Variants in RABGAP1L observed in about 807,000 individuals in gnomAD.
RABGAP1L encodes rab GTPase-activating protein 1-like.
In RABGAP1L, 63 loss-of-function variants were observed where a neutral mutation model predicts 137.7. The observed-to-expected ratio is 0.46, with a 90% CI of 0.37 to 0.56. The LOEUF (loss-of-function observed/expected upper bound fraction) is 0.56, where lower values mean the gene tolerates loss of function less well. RABGAP1L is among the 20% of genes least tolerant of loss of function. The pLI, the probability that RABGAP1L is intolerant of heterozygous loss-of-function variation, is 0.00. For synonymous variants in RABGAP1L, 431 were observed against 433.7 expected, an observed-to-expected ratio of 0.99 and a Z score of 0.08; for missense variants, 1,095 against 1,244.0, an observed-to-expected ratio of 0.88 and a Z score of 1.80.
chr1:174,870,774 G>A (rs999607316), intron 19 of RABGAP1L, among the ~76,000 whole-genome samples: 17 of 142,728 alleles, frequency 1.2e-4, no homozygotes, highest in Admixed American at 1.5e-4. Context: ...GTCTCGCTCT[G>A]TTGCCCAGGC....
chr1:174,464,731 T>C (rs1356136796), intron 13 of RABGAP1L, among the ~76,000 whole-genome samples: 2 of 152,178 alleles, frequency 1.3e-5, no homozygotes, highest in Non-Finnish European at 2.9e-5. Flanking sequence ...CTTCACTGTC[T>C]TTTAAGATTC....
At chr1:174,848,713 CT>C (rs1455507209) in intron 19 of RABGAP1L, among the ~76,000 whole-genome samples, 4 of 146,260 alleles carry the variant, frequency 2.7e-5, no homozygotes, top group Admixed American at 6.7e-5. Flanking sequence ...GAGGTGGAGC[CT>C]ACAGAGGCAG....
chr1:174,912,735 TA>T (rs759227266), intron 19 of RABGAP1L, among the ~76,000 whole-genome samples: 1 of 152,236 alleles, frequency 6.6e-6, no homozygotes, highest in East Asian at 1.9e-4. Context: ...CATATGTTTT[TA>T]AACTTTTTAA....
intron 11 of RABGAP1L, among the ~76,000 whole-genome samples, chr1:174,348,437 ATTT>A (rs1349976740): frequency 6.8e-6 from 1 of 146,598 alleles, no homozygotes; most frequent in African/African-American, 2.7e-5. Flanking sequence ...GTTTCTATTT[ATTT>A]TTTATTTATT....
chr1:174,503,703 G>C (rs1052258057), intron 13 of RABGAP1L, among the ~76,000 whole-genome samples: 2 of 145,202 alleles, frequency 1.4e-5, no homozygotes, highest in African/African-American at 5.0e-5. Flanking sequence ...AAAATCAGTT[G>C]TGTTCTATGC....
intron 13 of RABGAP1L, among the ~76,000 whole-genome samples, chr1:174,618,638 C>A (rs1389477487): frequency 6.6e-6 from 1 of 152,186 alleles, no homozygotes; most frequent in African/African-American, 2.4e-5. Flanking sequence ...AAAACCCCAT[C>A]TATACGTCAC....
At chr1:174,744,484 C>T (rs935914197) in intron 17 of RABGAP1L, among the ~76,000 whole-genome samples, 1 of 152,118 alleles carries the variant, frequency 6.6e-6, no homozygotes, top group Non-Finnish European at 1.5e-5. Flanking sequence ...TAATATATAA[C>T]AAGCTATACG....
Position 174,231,288 on chromosome 1 carries a change from A to G in RABGAP1L, c.475A>G (p.Lys159Glu). Reference protein sequence around the residue: ...VEALRAMATMKSSSQYPFPVT... With the variant: ...VEALRAMATMESSSQYPFPVT... ...GGCTTTACGGGCAATGGCAACCATG[A>G]AATCTTCCAGTCAATACCCCTTTCC... Residue 159 changes from lysine (K) to glutamate (E), a missense_variant, in exon 4 of 26, where the codon AAA becomes GAA. Around this residue, in one of 4 missense-constraint regions of RABGAP1L, gnomAD observed 356 missense variants for 326.3 expected, o/e 1.09. Coordinates refer to ENST00000681986, the MANE Select transcript of RABGAP1L (RefSeq NM_001366446.1). The G allele has an allele frequency of 6.2e-7, 1 of 1,614,166 alleles. No individual in the cohort carries two copies. Among genetic ancestry groups the G allele is most frequent in the Non-Finnish European group, 8.5e-7 (1 of 1,180,022 alleles).
At chr1:174,902,444 G>A (rs1427128817) in intron 19 of RABGAP1L, among the ~76,000 whole-genome samples, 8 of 152,302 alleles carry the variant, frequency 5.3e-5, no homozygotes, top group South Asian at 4.1e-4. Flanking sequence ...CCCACAGAAC[G>A]TCGCTGCTTG....
chr1:174,778,233 G>A (rs1174074378), intron 18 of RABGAP1L, among the ~76,000 whole-genome samples: 1 of 152,200 alleles, frequency 6.6e-6, no homozygotes, highest in East Asian at 1.9e-4. Flanking sequence ...CTTAGAAACA[G>A]TGCCAGCAAT....
At chr1:174,726,994 A>T (rs1209921755) in intron 17 of RABGAP1L, among the ~76,000 whole-genome samples, 2 of 152,110 alleles carry the variant, frequency 1.3e-5, no homozygotes, top group Non-Finnish European at 2.9e-5. Context: ...TAGTTGACTC[A>T]TTTGGTTTGT....
intron 10 of RABGAP1L, among the ~76,000 whole-genome samples, chr1:174,291,143 C>G (rs1009672719): frequency 2.0e-4 from 30 of 152,118 alleles, no homozygotes; most frequent in African/African-American, 6.8e-4. Flanking sequence ...CCTATAAATT[C>G]TTTTTCTTCT....
At position 174,834,598 on chromosome 1, in the gene RABGAP1L, TCCCCGCCCC is replaced by T. The variant is rs1235054154; in HGVS notation, c.2340+22646_2340+22654del. On this transcript the variant is annotated intron_variant, in intron 19 of 25. Transcript: ENST00000681986. ...TAAGTGAACTAGGAGAAAAAGCCCATCCCCGCCCCCCCCGCCGCCCCCCATTAACCTGTT... is the reference window on the plus strand; with the variant it reads ...TAAGTGAACTAGGAGAAAAAGCCCATCCCCGCCGCCCCCCATTAACCTGTT... 5.7e-5 allele frequency among the ~76,000 whole-genome samples: 8 copies of T among 140,758 alleles called. No homozygotes were observed. In the East Asian group the frequency reaches 1.5e-3, roughly 27 times the overall value. 92.3% of individuals were successfully genotyped at this position (140,758 alleles called of 152,430 possible).
Position 174,361,436 on chromosome 1 carries a change from T to C in RABGAP1L, c.1466-9543T>C, listed in dbSNP as rs139701660. Among the ~76,000 whole-genome samples, 178 of 152,310 alleles carry C rather than the reference T, an allele frequency of 1.2e-3. 1 individual carries two copies. The highest frequency in any genetic ancestry group is 4.2e-3 in the African/African-American group (174 of 41,584). On this transcript the variant is annotated intron_variant, in intron 11 of 25. Transcript: ENST00000681986. ...TGAACATGAAATATATTTGTATTTT[T>C]TGGCATCCTTTTCAGTTTTTTCATT...
intron 13 of RABGAP1L, among the ~76,000 whole-genome samples, chr1:174,524,073 A>G (rs12081046): frequency 0.35 from 53,362 of 151,718 alleles, 11,964 homozygotes; most frequent in African/African-American, 0.64. Context: ...CTTAGCTACT[A>G]TGAACAGTTC....
chr1:174,178,654 A>G (rs1666093829), intron 1 of RABGAP1L, among the ~76,000 whole-genome samples: 1 of 152,236 alleles, frequency 6.6e-6, no homozygotes, highest in Non-Finnish European at 1.5e-5. Flanking sequence ...ATGCAGCCAT[A>G]AAAAAGAATG....
intron 14 of RABGAP1L, among the ~76,000 whole-genome samples, chr1:174,674,602 C>G (rs1029163924): frequency 1.9e-4 from 28 of 151,058 alleles, no homozygotes; most frequent in East Asian, 1.2e-3. Flanking sequence ...GGTATATACC[C>G]AGTAATGGGA....
intron 11 of RABGAP1L, among the ~76,000 whole-genome samples, chr1:174,355,511 C>T (rs530391900): frequency 6.6e-6 from 1 of 150,412 alleles, no homozygotes; most frequent in South Asian, 2.1e-4. Flanking sequence ...ATACCTAATG[C>T]TAAATGACGA....
At chr1:174,820,012 A>G (rs1305911294) in intron 19 of RABGAP1L, among the ~76,000 whole-genome samples, 1 of 152,124 alleles carries the variant, frequency 6.6e-6, no homozygotes, top group Admixed American at 6.6e-5. Context: ...AACAGGATCT[A>G]GGATGAAGGG....
Sources: allele counts gnomAD v4.1 joint callset (sites outside exome capture counted in the v4.1 genomes callset), GRCh38; gene constraint gnomAD v4.1.1; regional missense constraint gnomAD v4.1.1; transcripts MANE v1.5; gene names NCBI Gene and HGNC (gene_info 2026-07-23, HGNC 2026-07-21).